Variants in MBD5 observed in about 807,000 individuals in gnomAD.
The protein encoded by MBD5 is methyl-CpG-binding domain protein 5.
Under a neutral mutation model 117.3 loss-of-function variants are expected in MBD5, and 13 were observed. The ratio of observed to expected loss-of-function variants is 0.11; its 90% CI spans 0.07 to 0.18. MBD5 has a LOEUF of 0.18. Among genes scored for constraint, MBD5 ranks in the 10% least tolerant of loss-of-function variants. The pLI, the probability that MBD5 is intolerant of heterozygous loss-of-function variation, is 1.00. For missense variants in MBD5, 1,879 were observed against 2,093.8 expected, an observed-to-expected ratio of 0.90 and a Z score of 2.00; for synonymous variants, 727 against 766.4, an observed-to-expected ratio of 0.95 and a Z score of 0.85.
chr2:148,154,147 T>C (rs1173985688), intron 1 of MBD5, among the ~76,000 whole-genome samples: 7 of 138,006 alleles, frequency 5.1e-5, no homozygotes, highest in Admixed American at 1.5e-4. Flanking sequence ...TTGTTAGTTT[T>C]CCTTCTAACA....
At position 148,367,681 on chromosome 2, in the gene MBD5, A is replaced by G. The variant is rs988671641; in HGVS notation, c.-557+25345A>G. Among the ~76,000 whole-genome samples, 4 of 152,228 alleles carry G rather than the reference A, an allele frequency of 2.6e-5. No homozygotes were observed. In the East Asian group the frequency reaches 7.7e-4, roughly 29 times the overall value. On this transcript the variant is annotated intron_variant, in intron 4 of 13. Transcript: ENST00000642680. ...AAATGGGAGAAGTATATGAACAGAT[A>G]TTTCTCAAAAGAAGACATTTATGCA...
At chr2:148,500,599 T>C (rs1011857481) in intron 11 of MBD5, among the ~76,000 whole-genome samples, 1 of 152,206 alleles carries the variant, frequency 6.6e-6, no homozygotes, top group Non-Finnish European at 1.5e-5. Context: ...CCTAACTTTG[T>C]TTTTTAAATT....
At chr2:148,479,916 T>G (rs1559093075) in intron 8 of MBD5, among the ~76,000 whole-genome samples, 1 of 152,008 alleles carries the variant, frequency 6.6e-6, no homozygotes. Context: ...ATATAAGAAA[T>G]GAGCTTTACA....
At chr2:148,265,159 C>A (rs1204660493) in intron 3 of MBD5, 1 of 152,008 alleles carries the variant, frequency 6.6e-6, no homozygotes, top group African/African-American at 2.4e-5. Context: ...TGTTCAAATA[C>A]TTTTCTTTTT....
At chr2:148,351,236 G>T (rs1379523191) in intron 4 of MBD5, among the ~76,000 whole-genome samples, 4 of 151,994 alleles carry the variant, frequency 2.6e-5, no homozygotes, top group East Asian at 3.9e-4. Context: ...ACTCCAAAAA[G>T]AAATCCTATA....
intron 4 of MBD5, among the ~76,000 whole-genome samples, chr2:148,424,150 C>G (rs1453776852): frequency 8.7e-6 from 1 of 115,096 alleles, no homozygotes; most frequent in Non-Finnish European, 1.7e-5. Context: ...TGCACTCCAG[C>G]CTGGGCAACA....
At chr2:148,188,818 G>A (rs994015254) in intron 2 of MBD5, among the ~76,000 whole-genome samples, 2 of 152,106 alleles carry the variant, frequency 1.3e-5, no homozygotes, top group African/African-American at 4.8e-5. Context: ...CAGAAGACGG[G>A]TGATTTCTGT....
chr2:148,435,153 A>G (rs777927612), intron 4 of MBD5, among the ~76,000 whole-genome samples: 1 of 152,078 alleles, frequency 6.6e-6, no homozygotes, highest in Non-Finnish European at 1.5e-5. Flanking sequence ...GCCCATGGGT[A>G]TCACTGCATG....
At chr2:148,364,064 T>C (rs1044968386) in intron 4 of MBD5, among the ~76,000 whole-genome samples, 13 of 151,668 alleles carry the variant, frequency 8.6e-5, no homozygotes, top group African/African-American at 2.9e-4. Flanking sequence ...AAGGTTGAAA[T>C]GAAGGAAAAA....
intron 1 of MBD5, among the ~76,000 whole-genome samples, chr2:148,124,940 G>A (rs1696855732): frequency 6.6e-6 from 1 of 150,486 alleles, no homozygotes; most frequent in Non-Finnish European, 1.5e-5. Context: ...ATAAGTATAA[G>A]CTATATATGA....
At chr2:148,073,001 T>G (rs1478425115) in intron 1 of MBD5, among the ~76,000 whole-genome samples, 1 of 152,156 alleles carries the variant, frequency 6.6e-6, no homozygotes, top group Non-Finnish European at 1.5e-5. Flanking sequence ...AGACAGCTGG[T>G]GGGTTATTCC....
At chr2:148,496,141 C>G (rs1681695917) in intron 11 of MBD5, among the ~76,000 whole-genome samples, 1 of 152,186 alleles carries the variant, frequency 6.6e-6, no homozygotes, top group Non-Finnish European at 1.5e-5. Flanking sequence ...GAAATGAATC[C>G]TTTTCTCTCT....
In MBD5 at chr2:148,284,499, T is replaced by G. The variant is rs116094588; in HGVS notation, c.-680+51104T>G. Among the ~76,000 whole-genome samples the G allele has an allele frequency of 3.9e-3, 591 of 152,292 alleles. 3 individuals carry two copies. The highest frequency in any genetic ancestry group is 0.013 in the African/African-American group (553 of 41,574). On this transcript the variant is annotated intron_variant, in intron 3 of 13. Coordinates refer to ENST00000642680, the MANE Select transcript of MBD5 (RefSeq NM_001378120.1). The stretch of plus-strand genomic sequence containing the variant: ...AGGCAGACTTGCATTTGATCTGGGT[T>G]TCATCCTTGACTCGGTGCATGGCTT...
chr2:148,331,749 G>T (rs1387513913), intron 3 of MBD5, among the ~76,000 whole-genome samples: 1 of 151,914 alleles, frequency 6.6e-6, no homozygotes, highest in Admixed American at 6.6e-5. Context: ...AACACAGTTA[G>T]GATAAGTTTG....
At chr2:148,093,017 A>G (rs1379608446) in intron 1 of MBD5, among the ~76,000 whole-genome samples, 1 of 151,780 alleles carries the variant, frequency 6.6e-6, no homozygotes, top group Non-Finnish European at 1.5e-5. Context: ...TTGAGGGTTC[A>G]AGTGATTCTC....
At chr2:148,140,959 T>A (rs1697298419) in intron 1 of MBD5, among the ~76,000 whole-genome samples, 1 of 151,710 alleles carries the variant, frequency 6.6e-6, no homozygotes, top group Non-Finnish European at 1.5e-5. Context: ...AGAGATTAGG[T>A]TTCACCATCA....
intron 2 of MBD5, among the ~76,000 whole-genome samples, chr2:148,225,199 T>G (rs1699791003): frequency 6.6e-6 from 1 of 152,194 alleles, no homozygotes. Flanking sequence ...TTTTATGTTT[T>G]GTGTATTAGT....
chr2:148,059,576 G>A (rs897417300), intron 1 of MBD5, among the ~76,000 whole-genome samples: 22 of 152,242 alleles, frequency 1.4e-4, no homozygotes, highest in African/African-American at 4.8e-4. Flanking sequence ...GGCCGGGCGC[G>A]GTGGTTCATG....
chr2:148,471,526 G>A (rs185298210), intron 8 of MBD5: 16 of 152,226 alleles, frequency 1.1e-4, no homozygotes, highest in African/African-American at 3.4e-4. Flanking sequence ...TTAATAATAA[G>A]CTAGTGTGTA....
Sources: gnomAD v4.1 joint callset for allele counts (sites outside exome capture counted in the v4.1 genomes callset) on GRCh38, gnomAD v4.1.1 for gene constraint, MANE v1.5 for transcripts, NCBI Gene and HGNC (gene_info 2026-07-23, HGNC 2026-07-21) for gene names.